GPC6: variants seen among roughly 807,000 people sequenced by gnomAD.
GPC6 encodes the protein glypican 6.
In GPC6, 14 loss-of-function variants were observed where a neutral mutation model predicts 55.2. The ratio of observed to expected loss-of-function variants is 0.25; its 90% confidence interval spans 0.17 to 0.40. The LOEUF (loss-of-function observed/expected upper bound fraction) is 0.40. Ranked by LOEUF, GPC6 falls within the 10% of genes least tolerant of loss-of-function variation. GPC6 has a pLI of 1.00. For missense variants in GPC6, 641 were observed against 708.5 expected, an observed-to-expected ratio of 0.90 and a Z score of 1.08; for synonymous variants, 278 against 259.6, an observed-to-expected ratio of 1.07 and a Z score of -0.68.
At chr13:93,917,470 A>C (rs1194237838) in intron 3 of GPC6, among the ~76,000 whole-genome samples, 1 of 152,206 alleles carries the variant, frequency 6.6e-6, no homozygotes, top group Non-Finnish European at 1.5e-5. Context: ...ATGAAATCTA[A>C]TATAAGCTGG....
intron 2 of GPC6, among the ~76,000 whole-genome samples, chr13:93,574,871 G>T (rs140331625): frequency 6.6e-5 from 10 of 152,212 alleles, no homozygotes; most frequent in African/African-American, 2.4e-4. Context: ...TGTTTTAGAG[G>T]TTCATCCATA....
chr13:93,662,831 G>A (rs1183967769), intron 2 of GPC6, among the ~76,000 whole-genome samples: 1 of 151,798 alleles, frequency 6.6e-6, no homozygotes, highest in Non-Finnish European at 1.5e-5. Flanking sequence ...GATAATCAAT[G>A]AAATAGAAAA....
intron 4 of GPC6, among the ~76,000 whole-genome samples, chr13:94,052,742 T>A (rs1489343532): frequency 1.3e-5 from 2 of 152,170 alleles, no homozygotes; most frequent in African/African-American, 4.8e-5. Flanking sequence ...CTTGGGGGCC[T>A]GCCTTAGCCA....
Position 94,271,234 on chromosome 13 carries a change from A to G in GPC6, c.878-15115A>G, listed in dbSNP as rs539876508. Among the ~76,000 whole-genome samples the G allele has an allele frequency of 7.8e-3, 1,177 of 151,310 alleles. 8 individuals are homozygous for G. The highest frequency in any genetic ancestry group is 0.011 in the Non-Finnish European group (760 of 67,770). ...TCTCGATCTCCTGACCTCGTGATCC[A>G]CCCGTCTCGACCTCCCAAAATGCTG... On this transcript the variant is annotated intron_variant, in intron 4 of 8. Coordinates refer to ENST00000377047, the MANE Select transcript of GPC6 (RefSeq NM_005708.5).
intron 4 of GPC6, among the ~76,000 whole-genome samples, chr13:94,251,357 G>C (rs1891342134): frequency 6.6e-6 from 1 of 151,728 alleles, no homozygotes; most frequent in Non-Finnish European, 1.5e-5. Flanking sequence ...TGTATGCAAG[G>C]CTTAAAACCT....
intron 4 of GPC6, among the ~76,000 whole-genome samples, chr13:94,059,723 A>T (rs923070686): frequency 2.0e-5 from 3 of 151,508 alleles, no homozygotes; most frequent in African/African-American, 7.3e-5. Context: ...AAAGATGGAC[A>T]TCTTTTTGCT....
At chr13:94,189,837 T>C (rs984102278) in intron 4 of GPC6, among the ~76,000 whole-genome samples, 2 of 151,768 alleles carry the variant, frequency 1.3e-5, no homozygotes, top group Non-Finnish European at 2.9e-5. Context: ...CTGGCTAACA[T>C]GGTGAAACGC....
chr13:93,270,655 CATTTTAT>C (rs993736257), intron 1 of GPC6, among the ~76,000 whole-genome samples: 1 of 149,770 alleles, frequency 6.7e-6, no homozygotes, highest in Admixed American at 6.7e-5. Context: ...GGCTCCCATA[CATTTTAT>C]ATCTCTGTCC....
chr13:93,307,775 A>G (rs1211936529), intron 1 of GPC6, among the ~76,000 whole-genome samples: 1 of 152,186 alleles, frequency 6.6e-6, no homozygotes, highest in African/African-American at 2.4e-5. Context: ...TTGTAAAACT[A>G]TGGTGACTAT....
At chr13:93,524,030 T>G (rs185737815) in intron 1 of GPC6, among the ~76,000 whole-genome samples, 1 of 152,088 alleles carries the variant, frequency 6.6e-6, no homozygotes. Flanking sequence ...GGGAAAGTCA[T>G]GTATACTGGA....
In GPC6 at chr13:94,027,741, C is replaced by G. The variant is rs1464063046; in HGVS notation, c.724C>G (p.Pro242Ala). 2 of 1,613,790 alleles carry G rather than the reference C, an allele frequency of 1.2e-6. No homozygotes were observed. The highest frequency in any genetic ancestry group is 1.7e-6 in the Non-Finnish European group (2 of 1,179,924). ...AATAAATCTGCAGGTCAGCCCAACC[C>G]CAGGGTGTATCCGTGCCCTCATGAA... ...ANRVSKVSPT[P>A]GCIRALMKML... Residue 242 changes from proline to alanine, a missense_variant, in exon 4 of 9, where the codon CCA becomes GCA. Physicochemically the swap from Pro to Ala is conservative, Grantham distance 27 (BLOSUM62 -1). Coordinates refer to ENST00000377047, the MANE Select transcript of GPC6 (RefSeq NM_005708.5).
At chr13:93,231,381 ATATATATATATATATG>A (rs1876032166) in intron 1 of GPC6, among the ~76,000 whole-genome samples, 2 of 17,756 alleles carry the variant, frequency 1.1e-4, no homozygotes, top group African/African-American at 2.1e-4. Context: ...ATATATATAC[ATATATATATATATATG>A]TATATATATA....
chr13:94,185,220 A>ATGTGACAAACT (rs1889130876), intron 4 of GPC6, among the ~76,000 whole-genome samples: 1 of 150,746 alleles, frequency 6.6e-6, no homozygotes, highest in Non-Finnish European at 1.5e-5. Flanking sequence ...CGGTATACCC[A>ATGTGACAAACT]TGTGACAAAC....
intron 2 of GPC6, among the ~76,000 whole-genome samples, chr13:93,647,644 G>T (rs1051568650): frequency 3.7e-4 from 56 of 152,138 alleles, no homozygotes; most frequent in Admixed American, 3.9e-4. Context: ...GCCCATCATG[G>T]TCACTAAATT....
chr13:93,708,204 T>C (rs1485534875), intron 2 of GPC6, among the ~76,000 whole-genome samples: 1 of 151,826 alleles, frequency 6.6e-6, no homozygotes, highest in East Asian at 1.9e-4. Flanking sequence ...CACTTGTATG[T>C]GTACATAAAA....
intron 2 of GPC6, among the ~76,000 whole-genome samples, chr13:93,567,780 A>C (rs968603104): frequency 6.6e-6 from 1 of 152,220 alleles, no homozygotes; most frequent in South Asian, 2.1e-4. Context: ...TAAAACTGTC[A>C]TCTTAGATTG....
intron 2 of GPC6, among the ~76,000 whole-genome samples, chr13:93,549,439 T>A (rs1875016175): frequency 6.6e-6 from 1 of 152,184 alleles, no homozygotes. Context: ...GTAGTAGTAG[T>A]CATAAGAGGC....
intron 3 of GPC6, among the ~76,000 whole-genome samples, chr13:93,997,004 G>T (rs1200328506): frequency 6.6e-6 from 1 of 152,142 alleles, no homozygotes; most frequent in South Asian, 2.1e-4. Context: ...TCTTAGAGAT[G>T]TGGTGTTCAA....
chr13:93,231,885 A>T (rs1441366053), intron 1 of GPC6, among the ~76,000 whole-genome samples: 1 of 152,142 alleles, frequency 6.6e-6, no homozygotes, highest in Non-Finnish European at 1.5e-5. Context: ...CTGGATATTA[A>T]AAAAGCACTA....
Sources: allele counts gnomAD v4.1 joint callset (sites outside exome capture counted in the v4.1 genomes callset), GRCh38; gene constraint gnomAD v4.1.1; transcripts MANE v1.5; gene names NCBI Gene and HGNC (gene_info 2026-07-23, HGNC 2026-07-21).